Variants in ADAM22 observed in about 807,000 individuals in gnomAD.
The protein encoded by ADAM22 is ADAM metallopeptidase domain 22, also known as disintegrin and metalloproteinase domain-containing protein 22.
In ADAM22, 65 loss-of-function variants were observed where a neutral mutation model predicts 144.6. That is an observed-to-expected ratio of 0.45 (90% CI 0.37 to 0.55). The LOEUF (loss-of-function observed/expected upper bound fraction) is 0.55. Among genes scored for constraint, ADAM22 ranks in the 20% least tolerant of loss-of-function variants. ADAM22 has a pLI of 0.00. For synonymous variants in ADAM22, 391 were observed against 412.6 expected (o/e 0.95, Z 0.63); for missense variants, 974 against 1,184.9 (o/e 0.82, Z 2.61).
chr7:87,937,176 T>C (rs1261023598), intron 2 of ADAM22, among the ~76,000 whole-genome samples: 2 of 152,202 alleles, frequency 1.3e-5, no homozygotes, highest in Non-Finnish European at 2.9e-5. Flanking sequence ...CAGGCTGGCC[T>C]TGAACTCCTG....
chr7:88,145,783 G>A lies in ADAM22; in HGVS notation c.1485+276G>A, dbSNP rs181460122. ...GTTGGGGAACTAGGGCCTGAACCCT[G>A]TTAATCTTCAGAGGCTGTCCTTTCC... On this transcript the variant is annotated intron_variant, in intron 17 of 31. Coordinates refer to ENST00000413139, the MANE Select transcript of ADAM22 (RefSeq NM_001324418.2). Among the ~76,000 whole-genome samples the A allele has an allele frequency of 5.9e-5, 9 of 152,252 alleles. No homozygotes were observed. The East Asian group carries it at 1.7e-3, about 29-fold the overall frequency.
At chr7:88,070,643 T>C (rs1812499492) in intron 3 of ADAM22, among the ~76,000 whole-genome samples, 1 of 152,208 alleles carries the variant, frequency 6.6e-6, no homozygotes, top group African/African-American at 2.4e-5. Flanking sequence ...TTGGTTAAGG[T>C]GATGTCTCCA....
At chr7:88,081,942 C>G (rs539429489) in intron 4 of ADAM22, among the ~76,000 whole-genome samples, 5 of 151,870 alleles carry the variant, frequency 3.3e-5, no homozygotes, top group East Asian at 3.9e-4. Flanking sequence ...GATGCCATCC[C>G]CATCAAGCTA....
intron 4 of ADAM22, among the ~76,000 whole-genome samples, chr7:88,092,567 T>C (rs1820196351): frequency 6.6e-6 from 1 of 152,354 alleles, no homozygotes; most frequent in East Asian, 1.9e-4. Context: ...TGCAGACATA[T>C]GCTCCTCTGC....
At chr7:87,934,896 T>G (rs1185204820) in intron 1 of ADAM22, 130 bp from the exon 2 acceptor site, 7 of 1,316,514 alleles carry the variant, frequency 5.3e-6, no homozygotes, top group Non-Finnish European at 7.6e-6. Flanking sequence ...CCCAGTTGGG[T>G]TCCGAGAGGG....
intron 3 of ADAM22, among the ~76,000 whole-genome samples, chr7:88,059,042 A>G (rs1177225783): frequency 2.0e-5 from 3 of 152,150 alleles, no homozygotes; most frequent in African/African-American, 7.2e-5. Context: ...ACTGATTTCT[A>G]TATGTTGAAT....
At chr7:88,004,444 T>A (rs1331639612) in intron 3 of ADAM22, among the ~76,000 whole-genome samples, 1 of 152,224 alleles carries the variant, frequency 6.6e-6, no homozygotes, top group Non-Finnish European at 1.5e-5. Flanking sequence ...AATAGAACAC[T>A]ACATTATAAA....
At chr7:88,019,117 G>A (rs1277961163) in intron 3 of ADAM22, among the ~76,000 whole-genome samples, 8 of 151,406 alleles carry the variant, frequency 5.3e-5, no homozygotes, top group Admixed American at 2.0e-4. Flanking sequence ...TTGATTTGGC[G>A]AAATAAACTT....
At chr7:88,142,175 G>A (rs187743291) in intron 14 of ADAM22, among the ~76,000 whole-genome samples, 54 of 152,238 alleles carry the variant, frequency 3.5e-4, no homozygotes, top group African/African-American at 1.1e-3. Flanking sequence ...CTACAAAGAA[G>A]TACATCCTCC....
chr7:88,160,988 T>G (rs898050988), intron 22 of ADAM22, among the ~76,000 whole-genome samples: 1 of 151,854 alleles, frequency 6.6e-6, no homozygotes, highest in Non-Finnish European at 1.5e-5. Flanking sequence ...GGGGGAGAGA[T>G]AGCATTAGGA....
chr7:88,001,083 C>T (rs1792433176), intron 3 of ADAM22, among the ~76,000 whole-genome samples: 2 of 152,244 alleles, frequency 1.3e-5, no homozygotes, highest in South Asian at 2.1e-4. Context: ...AAAAAGTTAC[C>T]TCATACTCTG....
At chr7:87,995,304 C>T (rs1021376268) in intron 3 of ADAM22, among the ~76,000 whole-genome samples, 2 of 152,148 alleles carry the variant, frequency 1.3e-5, no homozygotes, top group African/African-American at 4.8e-5. Flanking sequence ...TTTGATATCC[C>T]TTTCCAAAGC....
At chr7:88,195,275 T>C (rs938558083) in intron 31 of ADAM22, among the ~76,000 whole-genome samples, 2 of 152,198 alleles carry the variant, frequency 1.3e-5, no homozygotes, top group African/African-American at 4.8e-5. Context: ...TTTAAATTGG[T>C]CTTCCTTTTC....
chr7:88,075,780 A>C (rs1474020243), intron 4 of ADAM22, 88 bp downstream of exon 4: 1 of 1,033,740 alleles, frequency 9.7e-7, no homozygotes, highest in African/African-American at 1.6e-5. Context: ...TGATATTTCT[A>C]ATGTACAGTT....
chr7:88,125,061 A>G (rs1453648463), intron 7 of ADAM22, among the ~76,000 whole-genome samples: 2 of 151,994 alleles, frequency 1.3e-5, no homozygotes, highest in Non-Finnish European at 2.9e-5. Flanking sequence ...TAAACAGTTG[A>G]TGTATAATTT....
chr7:88,147,264 C>T (rs1004029538), intron 17 of ADAM22, among the ~76,000 whole-genome samples: 3 of 152,178 alleles, frequency 2.0e-5, no homozygotes, highest in Non-Finnish European at 4.4e-5. Flanking sequence ...CCACCCTAGA[C>T]TCCTAGGGCA....
At chr7:88,152,175 A>G (rs1429591922) in intron 20 of ADAM22, among the ~76,000 whole-genome samples, 1 of 152,256 alleles carries the variant, frequency 6.6e-6, no homozygotes, top group African/African-American at 2.4e-5. Context: ...CCGAAAAAAG[A>G]TATCATTTTT....
Position 88,015,033 on chromosome 7 carries a change from G to A in ADAM22, c.323+36621G>A, listed in dbSNP as rs896460148. On this transcript the variant is annotated intron_variant, in intron 3 of 31. Transcript: ENST00000413139. ...TCTATGCAGTGATCATTGATACAGGGTAGAACTTTAAGAGTTCAACATACA... is the reference window on the plus strand; with the variant it reads ...TCTATGCAGTGATCATTGATACAGGATAGAACTTTAAGAGTTCAACATACA... Among the ~76,000 whole-genome samples the A allele has an allele frequency of 2.0e-5, 3 of 152,220 alleles. No individual in the cohort carries two copies. In the South Asian group the frequency reaches 6.2e-4, roughly 32 times the overall value.
chr7:87,968,409 A>G (rs1162615855), intron 2 of ADAM22, among the ~76,000 whole-genome samples: 3 of 152,158 alleles, frequency 2.0e-5, no homozygotes, highest in African/African-American at 7.2e-5. Context: ...GTGGTGGCTC[A>G]TGCTTGTAAT....
Sources: allele counts gnomAD v4.1 joint callset (sites outside exome capture counted in the v4.1 genomes callset), GRCh38; gene constraint gnomAD v4.1.1; transcripts MANE v1.5; gene names NCBI Gene and HGNC (gene_info 2026-07-23, HGNC 2026-07-21).